The following RGS6 variants were observed in gnomAD, a reference collection of about 807,000 sequenced individuals.
RGS6 encodes the protein regulator of G protein signaling 6.
RGS6 carries 30 observed loss-of-function variants against 78.5 expected under a neutral mutation model. The observed-to-expected ratio is 0.38, with a 90% confidence interval of 0.29 to 0.52. The LOEUF is 0.52. Among genes scored for constraint, RGS6 ranks in the 20% least tolerant of loss-of-function variants. RGS6 has a pLI of 0.85. For synonymous variants in RGS6, 206 were observed against 206.0 expected (o/e 1.00, Z 0.00); for missense variants, 495 against 609.7 (o/e 0.81, Z 1.98).
At chr14:71,893,000 G>A in the RGS6 span, among the ~76,000 whole-genome samples, 17 of 152,348 alleles carry the variant, frequency 1.1e-4, no homozygotes, top group African/African-American at 4.1e-4. Context: ...ATCTGTTTTA[G>A]TCTCTGTAAT....
intron 3 of RGS6, among the ~76,000 whole-genome samples, chr14:72,372,650 G>A (rs1443778826): frequency 6.6e-6 from 1 of 152,178 alleles, no homozygotes; most frequent in East Asian, 1.9e-4. Context: ...TAGAGTCACA[G>A]TTCATAGGTT....
At chr14:72,017,036 C>A (rs1394541050) in intron 2 of RGS6, among the ~76,000 whole-genome samples, 1 of 151,736 alleles carries the variant, frequency 6.6e-6, no homozygotes, top group Non-Finnish European at 1.5e-5. Context: ...TATCTCATTT[C>A]TTTCTTTCAT....
chr14:72,546,214 ACTC>A (rs2097399792), intron 17 of RGS6, among the ~76,000 whole-genome samples: 1 of 151,852 alleles, frequency 6.6e-6, no homozygotes, highest in African/African-American at 2.4e-5. Context: ...CCAGGTTACA[ACTC>A]CTCTATGCTT....
chr14:72,373,107 T>C (rs2083859866), intron 3 of RGS6, among the ~76,000 whole-genome samples: 1 of 152,038 alleles, frequency 6.6e-6, no homozygotes, highest in Non-Finnish European at 1.5e-5. Flanking sequence ...GAGCCCACCC[T>C]TTTCCTGTCT....
chr14:72,208,141 C>T (rs547554283), intron 2 of RGS6, among the ~76,000 whole-genome samples: 7 of 152,248 alleles, frequency 4.6e-5, no homozygotes, highest in East Asian at 1.9e-4. Flanking sequence ...ACACAAAACC[C>T]GATTTGAGCC....
chr14:72,271,643 CTG>C (rs1293440022), intron 2 of RGS6, among the ~76,000 whole-genome samples: 4 of 152,240 alleles, frequency 2.6e-5, no homozygotes, highest in Non-Finnish European at 4.4e-5. Flanking sequence ...CATTCCAACT[CTG>C]TATTAGTTTT....
At chr14:72,300,749 A>T (rs960699736) in intron 2 of RGS6, among the ~76,000 whole-genome samples, 1 of 152,176 alleles carries the variant, frequency 6.6e-6, no homozygotes, top group Non-Finnish European at 1.5e-5. Context: ...TGTGCCTGGC[A>T]TCTTGGCGGT....
chr14:72,535,375 T>A (rs1018715189), intron 15 of RGS6, among the ~76,000 whole-genome samples: 1 of 152,194 alleles, frequency 6.6e-6, no homozygotes, highest in African/African-American at 2.4e-5. Flanking sequence ...ATTGCATTAT[T>A]GCCTGTTTTT....
At chr14:72,225,047 C>G (rs1481176749) in intron 2 of RGS6, among the ~76,000 whole-genome samples, 1 of 152,172 alleles carries the variant, frequency 6.6e-6, no homozygotes, top group Non-Finnish European at 1.5e-5. Context: ...CCTAGATGCC[C>G]CATTCACTCA....
intron 2 of RGS6, among the ~76,000 whole-genome samples, chr14:72,136,426 G>T (rs2096442616): frequency 6.6e-6 from 1 of 152,170 alleles, no homozygotes; most frequent in African/African-American, 2.4e-5. Flanking sequence ...AAGGAAAGAG[G>T]TTTAATGGAT....
intron 3 of RGS6, among the ~76,000 whole-genome samples, chr14:72,387,549 AAAC>A (rs1248532258): frequency 1.3e-5 from 2 of 150,238 alleles, no homozygotes; most frequent in Non-Finnish European, 3.0e-5. Flanking sequence ...ACTCCATCTC[AAAC>A]AAAAAAAAAA....
At chr14:72,378,730 G>T (rs781677059) in intron 3 of RGS6, among the ~76,000 whole-genome samples, 3 of 152,038 alleles carry the variant, frequency 2.0e-5, no homozygotes, top group Non-Finnish European at 2.9e-5. Flanking sequence ...GCCCAGAATT[G>T]GATGGCTTCA....
chr14:72,543,335 G>A (rs2153515914), intron 17 of RGS6, among the ~76,000 whole-genome samples: 1 of 152,276 alleles, frequency 6.6e-6, no homozygotes, highest in East Asian at 1.9e-4. Flanking sequence ...CACTGTACAT[G>A]GCCACCCTTG....
At chr14:72,506,660 C>G (rs1362720449) in intron 13 of RGS6, among the ~76,000 whole-genome samples, 1 of 152,064 alleles carries the variant, frequency 6.6e-6, no homozygotes, top group Non-Finnish European at 1.5e-5. Flanking sequence ...TGTAGTAATA[C>G]AATTGTGAAT....
rs1376679289 is a variant in RGS6, at chr14:72,161,062, T to G, written c.85-191033T>G. ...TACACCATGGAATGCTATGCAGCCA[T>G]AAAAGAGGATGAGTTCGTGTCCTTT... On this transcript the variant is annotated intron_variant, in intron 2 of 17. Coordinates refer to ENST00000553525, the MANE Select transcript of RGS6 (RefSeq NM_001204424.2). Among the ~76,000 whole-genome samples the G allele has an allele frequency of 2.0e-5, 3 of 152,114 alleles. No individual in the cohort carries two copies. The East Asian group carries it at 5.8e-4, about 29-fold the overall frequency.
intron 3 of RGS6, among the ~76,000 whole-genome samples, chr14:72,426,405 C>T (rs777456764): frequency 6.6e-6 from 1 of 152,184 alleles, no homozygotes. Context: ...GACCATTAGG[C>T]CGTTGTTGGC....
At chr14:71,972,462 A>T (rs1435830712) in intron 2 of RGS6, among the ~76,000 whole-genome samples, 4 of 152,156 alleles carry the variant, frequency 2.6e-5, no homozygotes, top group Non-Finnish European at 5.9e-5. Flanking sequence ...ACCCTAACGA[A>T]TGCAAGTATT....
the RGS6 span, among the ~76,000 whole-genome samples, chr14:72,577,030 C>A: frequency 6.6e-6 from 1 of 152,248 alleles, no homozygotes. Context: ...AGGAAGAGGG[C>A]CCCAGGCACC....
intron 2 of RGS6, among the ~76,000 whole-genome samples, chr14:72,114,392 C>A (rs543695493): frequency 2.2e-4 from 34 of 152,334 alleles, no homozygotes; most frequent in Middle Eastern, 3.4e-3. Context: ...CTTCTGAAAG[C>A]CATTCCTAGG....
Sources: gnomAD v4.1 joint callset for allele counts (sites outside exome capture counted in the v4.1 genomes callset) on GRCh38, gnomAD v4.1.1 for gene constraint, MANE v1.5 for transcripts, NCBI Gene and HGNC (gene_info 2026-07-23, HGNC 2026-07-21) for gene names.